ST18: variants seen among roughly 807,000 people sequenced by gnomAD.
ST18 encodes the protein suppression of tumorigenicity 18 protein.
A neutral mutation model predicts 110.0 loss-of-function variants in ST18; 50 were observed. The ratio of observed to expected loss-of-function variants is 0.45; its 90% CI spans 0.36 to 0.58. ST18 has a LOEUF of 0.58. Ranked by LOEUF, ST18 falls within the 20% of genes least tolerant of loss-of-function variation. ST18 has a pLI of 0.00. For missense variants in ST18, 1,306 were observed against 1,280.1 expected, an observed-to-expected ratio of 1.02 and a Z score of -0.31; for synonymous variants, 461 against 452.4, an observed-to-expected ratio of 1.02 and a Z score of -0.24.
rs147153020 is a variant in ST18 at position 52,273,814 on chromosome 8, A to C, written c.-464-43737T>G. Among the ~76,000 whole-genome samples the C allele has an allele frequency of 7.9e-5, 12 of 152,370 alleles. No homozygotes were observed. The East Asian group carries it at 2.1e-3, about 27-fold the overall frequency. ...ATGCTTAATCAGTGTGTATATCAGA[A>C]AATAAACATAATCATCAAGCACACT... On this transcript the variant is annotated intron_variant, in intron 2 of 25. Transcript: ENST00000689386.
At chr8:52,206,182 A>T (rs1234443931) in intron 8 of ST18, among the ~76,000 whole-genome samples, 3 of 152,126 alleles carry the variant, frequency 2.0e-5, no homozygotes, top group African/African-American at 7.2e-5. Context: ...AAATGCAGGT[A>T]ATGTCATTTG....
intron 15 of ST18, among the ~76,000 whole-genome samples, chr8:52,155,410 T>A (rs78047033): frequency 0.011 from 1,735 of 152,230 alleles, 45 homozygotes; most frequent in African/African-American, 0.04. Context: ...AATAAATAAT[T>A]CCTTTGAAAA....
Position 52,118,508 on chromosome 8 carries a change from AT to A in ST18, c.2756-68del, listed in dbSNP as rs1051684580. 1.7e-5 allele frequency: 15 copies of A among 870,818 alleles called. No individual in the cohort carries two copies. The Admixed American group carries it at 3.1e-4, about 18-fold the overall frequency. The allele number at this position is 870,818 out of a possible 1,614,324, so 53.9% of individuals were successfully genotyped here. A position where few individuals can be genotyped will look rare whatever the true frequency, so the allele number is the denominator to read the frequency against. ...TAACAAATGAGTCATTATATGTTTAATTTGTGATTTGCTACTTGAAAATGAG... is the reference window on the plus strand; with the variant it reads ...TAACAAATGAGTCATTATATGTTTAATTGTGATTTGCTACTTGAAAATGAG... On this transcript the variant is annotated intron_variant, in intron 23 of 25. Coordinates refer to ENST00000689386, the MANE Select transcript of ST18 (RefSeq NM_001352837.2).
At chr8:52,331,222 C>A (rs907530250) in intron 2 of ST18, among the ~76,000 whole-genome samples, 3 of 152,096 alleles carry the variant, frequency 2.0e-5, no homozygotes, top group African/African-American at 4.8e-5. Context: ...GTCAACCCAC[C>A]TCCACTTGAA....
At chr8:52,186,643 G>A (rs1379303421) in intron 8 of ST18, among the ~76,000 whole-genome samples, 1 of 152,138 alleles carries the variant, frequency 6.6e-6, no homozygotes, top group Non-Finnish European at 1.5e-5. Flanking sequence ...CTCCCATACC[G>A]GAAACATCGC....
intron 2 of ST18, among the ~76,000 whole-genome samples, chr8:52,274,363 C>CAT (rs1208774921): frequency 6.6e-6 from 1 of 151,988 alleles, no homozygotes; most frequent in Non-Finnish European, 1.5e-5. Flanking sequence ...CGTGTATATA[C>CAT]ATATATATGT....
chr8:52,172,034 G>T lies in ST18; in HGVS notation c.827C>A (p.Pro276His), dbSNP rs563546098. ...PLDGNAQPSF[P>H]DVEEEDSESL... is the part of the protein sequence containing the mutation. ...CTCGCTATCTTCCTCCTCAACGTCA[G>T]GGAATGAGGGCTGGGCATTGCCATC... The change falls in exon 10 of 26, where the codon CCT (proline) becomes CAT (histidine). Residue 276 changes from proline (P) to histidine (H), a missense_variant. Physicochemically the swap from Pro to His is moderately conservative, Grantham distance 77. Coordinates refer to ENST00000689386, the MANE Select transcript of ST18 (RefSeq NM_001352837.2). 3.1e-6 allele frequency: 5 copies of T among 1,614,224 alleles called. No homozygotes were observed. The highest frequency in any genetic ancestry group is 4.2e-6 in the Non-Finnish European group (5 of 1,180,048).
intron 2 of ST18, among the ~76,000 whole-genome samples, chr8:52,293,020 G>T (rs1020931280): frequency 1.3e-5 from 2 of 152,142 alleles, no homozygotes; most frequent in Non-Finnish European, 2.9e-5. Flanking sequence ...GAAATTAATC[G>T]ATCGTGAGAA....
rs570707460 is a variant in ST18, at chr8:52,347,380, G to A, written c.-465+61948C>T. ...GGAAGACAGAAAAACAGAGGAAACA[G>A]CAGAGGCGCTTATACTCGTCTTACA... On this transcript the variant is annotated intron_variant, in intron 2 of 25. Coordinates refer to ENST00000689386, the MANE Select transcript of ST18 (RefSeq NM_001352837.2). Among the ~76,000 whole-genome samples, 7 of 152,294 alleles carry A rather than the reference G, an allele frequency of 4.6e-5. No individual in the cohort carries two copies. The East Asian group carries it at 1.4e-3, about 29-fold the overall frequency.
At chr8:52,239,802 A>G (rs1239412185) in intron 2 of ST18, among the ~76,000 whole-genome samples, 1 of 151,380 alleles carries the variant, frequency 6.6e-6, no homozygotes, top group Admixed American at 6.6e-5. Flanking sequence ...CCAACCCCAA[A>G]CCCCTTTTTT....
chr8:52,327,178 C>T (rs992404483), intron 2 of ST18, among the ~76,000 whole-genome samples: 1 of 152,220 alleles, frequency 6.6e-6, no homozygotes, highest in African/African-American at 2.4e-5. Context: ...TGGTCATGTA[C>T]TCATAAGGAT....
intron 2 of ST18, among the ~76,000 whole-genome samples, chr8:52,305,763 C>T (rs2095802065): frequency 6.6e-6 from 1 of 152,174 alleles, no homozygotes. Context: ...CATTTCTCAC[C>T]ACCTCCAGGA....
intron 2 of ST18, among the ~76,000 whole-genome samples, chr8:52,304,836 G>T (rs115576518): frequency 2.0e-5 from 3 of 152,118 alleles, no homozygotes; most frequent in African/African-American, 7.2e-5. Context: ...CTCACATGGA[G>T]GAAGGGGCAA....
rs370576295 is a variant in ST18 at position 52,149,886 on chromosome 8, G to C, written c.1898C>G (p.Ser633Cys). ...GGAAGGAGTTGGAATAGAAGTGTTAGAGGAAGTTAGGGGTGCAGACTTGTC... is the reference window on the plus strand; with the variant it reads ...GGAAGGAGTTGGAATAGAAGTGTTACAGGAAGTTAGGGGTGCAGACTTGTC... ...ILDKSAPLTS[S>C]NTSIPTPSSS... The change falls in exon 16 of 26, where the codon TCT becomes TGT. Residue 633 changes from serine to cysteine, a missense_variant. Physicochemically the swap from Ser to Cys is moderately radical, Grantham distance 112. Coordinates refer to ENST00000689386, the MANE Select transcript of ST18 (RefSeq NM_001352837.2). 4 of 1,614,072 alleles carry C rather than the reference G, an allele frequency of 2.5e-6. No individual in the cohort carries two copies. Among genetic ancestry groups the C allele is most frequent in the African/African-American group, 1.3e-5 (1 of 74,936 alleles).
chr8:52,381,314 T>C (rs1241225210), intron 2 of ST18, among the ~76,000 whole-genome samples: 2 of 152,090 alleles, frequency 1.3e-5, no homozygotes, highest in East Asian at 3.9e-4. Context: ...CCAGACGTCA[T>C]TCCCCAACAA....
At chr8:52,295,421 A>G (rs1375484158) in intron 2 of ST18, among the ~76,000 whole-genome samples, 2 of 152,080 alleles carry the variant, frequency 1.3e-5, no homozygotes, top group African/African-American at 2.4e-5. Context: ...TCTCTCTCTA[A>G]GTAATAAACT....
intron 2 of ST18, among the ~76,000 whole-genome samples, chr8:52,268,662 G>C (rs2094965851): frequency 1.3e-5 from 2 of 152,170 alleles, no homozygotes; most frequent in Non-Finnish European, 2.9e-5. Flanking sequence ...TAAATCTAGA[G>C]GAGCGGTAAA....
intron 9 of ST18, among the ~76,000 whole-genome samples, chr8:52,177,072 T>C (rs562280347): frequency 6.6e-6 from 1 of 152,330 alleles, no homozygotes; most frequent in East Asian, 1.9e-4. Context: ...GAGCTTGTGG[T>C]TACGCTGCTG....
Position 52,133,043 on chromosome 8 carries a change from A to T in ST18, c.2444+14T>A, listed in dbSNP as rs1195100293. ...AGAGACAGCTGACCCCCATGTCTCA[A>T]CTGTTGCACTTACTTCAGTTCAGGG... On this transcript the variant is annotated intron_variant, in intron 21 of 25. Coordinates refer to ENST00000689386, the MANE Select transcript of ST18 (RefSeq NM_001352837.2). 1.2e-6 allele frequency: 2 copies of T among 1,613,624 alleles called. No homozygotes were observed. Among genetic ancestry groups the T allele is most frequent in the South Asian group, 2.2e-5 (2 of 91,024 alleles).
Sources: gnomAD v4.1 joint callset for allele counts (sites outside exome capture counted in the v4.1 genomes callset) on GRCh38, gnomAD v4.1.1 for gene constraint, MANE v1.5 for transcripts, NCBI Gene and HGNC (gene_info 2026-07-23, HGNC 2026-07-21) for gene names.